The following IQSEC3 variants were observed in gnomAD, a reference collection of about 807,000 sequenced individuals.
IQSEC3 encodes the protein IQ motif and Sec7 domain ArfGEF 3, also known as IQ motif and SEC7 domain-containing protein 3.
In IQSEC3, 50 loss-of-function variants were observed where a neutral mutation model predicts 105.4. The observed-to-expected ratio is 0.47, with a 90% CI of 0.38 to 0.60. The LOEUF (loss-of-function observed/expected upper bound fraction) is 0.60. IQSEC3 is among the 20% of genes least tolerant of loss of function. IQSEC3 has a pLI of 0.00. For missense variants in IQSEC3, 1,415 were observed against 1,630.0 expected (o/e 0.87, Z 2.27); for synonymous variants, 708 against 746.0 (o/e 0.95, Z 0.83).
At chr12:117,757 G>T (rs1299888408) in intron 2 of IQSEC3, among the ~76,000 whole-genome samples, 1 of 152,224 alleles carries the variant, frequency 6.6e-6, no homozygotes, top group African/African-American at 2.4e-5. Flanking sequence ...TCTCTCCTTG[G>T]GAGCCAGACA....
intron 3 of IQSEC3, among the ~76,000 whole-genome samples, chr12:135,096 C>G (rs782023321): frequency 6.6e-6 from 1 of 152,182 alleles, no homozygotes; most frequent in Non-Finnish European, 1.5e-5. Flanking sequence ...TGCCACTGCA[C>G]TCCAGCCTGG....
chr12:124,231 A>C (rs537324752), intron 2 of IQSEC3, among the ~76,000 whole-genome samples: 45 of 152,042 alleles, frequency 3.0e-4, no homozygotes, highest in African/African-American at 1.1e-3. Context: ...TGCTAAAAAT[A>C]CAAAAAAATT....
chr12:165,526 G>A lies in IQSEC3; in HGVS notation c.2802G>A (p.Glu934=), dbSNP rs1336845895. The A allele has an allele frequency of 6.2e-7, 1 of 1,608,892 alleles. No individual in the cohort carries two copies. Among genetic ancestry groups the A allele is most frequent in the East Asian group, 2.2e-5 (1 of 44,884 alleles). ...GLLGMQFQLF[E]NEYYSHGITL... ...TGGGCATGCAGTTCCAGCTCTTTGA[G>A]AACGAGTGTAAGTCTTTGACAGCCA... Residue 934 remains glutamate, a synonymous_variant, in exon 10 of 14, where the codon GAG becomes GAA. Coordinates refer to ENST00000538872, the MANE Select transcript of IQSEC3 (RefSeq NM_001170738.2).
intron 3 of IQSEC3, among the ~76,000 whole-genome samples, chr12:132,603 T>TG (rs1372852749): frequency 4.6e-5 from 7 of 151,602 alleles, no homozygotes; most frequent in African/African-American, 9.7e-5. Context: ...GGTATAGGGG[T>TG]GGGGGGTCCC....
At chr12:154,670 C>A (rs987579360) in intron 5 of IQSEC3, among the ~76,000 whole-genome samples, 6 of 152,152 alleles carry the variant, frequency 3.9e-5, no homozygotes, top group African/African-American at 1.2e-4. Context: ...CCACAGTCCG[C>A]GGTGCACTTC....
chr12:85,732 A>C (rs1444074049), intron 1 of IQSEC3, among the ~76,000 whole-genome samples: 1 of 152,146 alleles, frequency 6.6e-6, no homozygotes, highest in East Asian at 1.9e-4. Flanking sequence ...GGTAGATGCC[A>C]AGGCTGTGAT....
chr12:175,991 GGCTCGGCCCGAGGCAGGGC>G lies in IQSEC3; in HGVS notation c.*959_*977del, dbSNP rs1450158069. ...CGAGGCAGGGCTCCCTCCTGCATGA[GGCTCGGCCCGAGGCAGGGC>G]TCCCTCCTGCATGAGTCTGTGGCCT... is the stretch of plus-strand genomic sequence containing the variant. On this transcript the variant is annotated 3_prime_UTR_variant, in exon 14 of 14. Coordinates refer to ENST00000538872, the MANE Select transcript of IQSEC3 (RefSeq NM_001170738.2). 5 of 142,214 alleles carry G rather than the reference GGCTCGGCCCGAGGCAGGGC, an allele frequency of 3.5e-5. No homozygotes were observed. The highest frequency in any genetic ancestry group is 1.6e-4 in the African/African-American group (5 of 32,012). 8.8% of individuals were successfully genotyped at this position (142,214 alleles called of 1,614,324 possible).
intron 1 of IQSEC3, among the ~76,000 whole-genome samples, chr12:70,957 T>A (rs1565373307): frequency 6.6e-6 from 1 of 152,276 alleles, no homozygotes; most frequent in Non-Finnish European, 1.5e-5. Context: ...CTTCATTCTC[T>A]TCTCCCCTTC....
intron 1 of IQSEC3, among the ~76,000 whole-genome samples, chr12:83,933 A>T (rs530534110): frequency 6.6e-6 from 1 of 152,242 alleles, no homozygotes; most frequent in South Asian, 2.1e-4. Flanking sequence ...TCCACATGGT[A>T]CTGACGGGAA....
At chr12:86,684 T>A (rs1555072157) in intron 1 of IQSEC3, among the ~76,000 whole-genome samples, 1 of 152,100 alleles carries the variant, frequency 6.6e-6, no homozygotes, top group African/African-American at 2.4e-5. Flanking sequence ...AGTACAAGCA[T>A]TTTTGTGTGT....
intron 1 of IQSEC3, among the ~76,000 whole-genome samples, chr12:78,048 G>T (rs1555069743): frequency 6.6e-6 from 1 of 151,026 alleles, no homozygotes; most frequent in Admixed American, 6.6e-5. Context: ...GCCTCCGCGC[G>T]CCCCCGCCGC....
intron 5 of IQSEC3, among the ~76,000 whole-genome samples, chr12:151,917 G>A (rs1239735825): frequency 6.6e-6 from 1 of 152,048 alleles, no homozygotes; most frequent in African/African-American, 2.4e-5. Context: ...TGTCCCCAAA[G>A]AGTCCTTTCC....
At chr12:168,010 A>G (rs1047609988) in intron 11 of IQSEC3, among the ~76,000 whole-genome samples, 1 of 152,220 alleles carries the variant, frequency 6.6e-6, no homozygotes, top group Non-Finnish European at 1.5e-5. Flanking sequence ...GGTGTGATTT[A>G]GGCAACCAGG....
chr12:171,578 G>C (rs1939000488), intron 13 of IQSEC3: 1 of 575,826 alleles, frequency 1.7e-6, no homozygotes, highest in Non-Finnish European at 3.1e-6. Context: ...ATCCATAGCG[G>C]GGAGCCTGGG....
At position 163,677 on chromosome 12, in the gene IQSEC3, C is replaced by A. The variant is rs531879211; in HGVS notation, c.2709+58C>A. The A allele has an allele frequency of 1.2e-4, 114 of 987,542 alleles. 1 individual carries two copies. In the East Asian group the frequency reaches 2.8e-3, roughly 24 times the overall value. The allele number at this position is 987,542 out of a possible 1,614,324, so 61.2% of individuals were successfully genotyped here. ...CTGGGGCTGCCTCTGCCGCCCTGGT[C>A]AGCCTGGGCAGGGTCCCTGAAGTGG... On this transcript the variant is annotated intron_variant, in intron 9 of 13. Coordinates refer to ENST00000538872, the MANE Select transcript of IQSEC3 (RefSeq NM_001170738.2).
Position 125,794 on chromosome 12 carries a change from C to CTG in IQSEC3, c.786_787dup (p.Gly263ValfsTer36). ...GGGGCAGGGGCTGCCTCCCCAAGGG[C>CTG]TGGCCCCCAGCACAAGGCCTCCCCC... On this transcript the variant is annotated frameshift_variant, in exon 3 of 14. Coordinates refer to ENST00000538872, the MANE Select transcript of IQSEC3 (RefSeq NM_001170738.2). LOFTEE classifies it high-confidence loss of function. The CTG allele has an allele frequency of 6.6e-7, 1 of 1,522,260 alleles. No individual in the cohort carries two copies. Among genetic ancestry groups the CTG allele is most frequent in the Non-Finnish European group, 8.8e-7 (1 of 1,141,226 alleles). The allele number at this position is 1,522,260 out of a possible 1,614,324, so 94.3% of individuals were successfully genotyped here. A position where few individuals can be genotyped will look rare whatever the true frequency, so the allele number is the denominator to read the frequency against.
chr12:161,051 T>A (rs1365480311), intron 7 of IQSEC3, among the ~76,000 whole-genome samples: 1 of 152,170 alleles, frequency 6.6e-6, no homozygotes, highest in African/African-American at 2.4e-5. Context: ...CATGGCTCAT[T>A]TGCCTGACTT....
intron 1 of IQSEC3, among the ~76,000 whole-genome samples, chr12:90,374 G>A (rs1409126729): frequency 6.6e-6 from 1 of 152,086 alleles, no homozygotes; most frequent in Non-Finnish European, 1.5e-5. Context: ...CGTGGCTTGT[G>A]CTTTCTGGTC....
At chr12:157,758 G>A (rs74769399) in intron 7 of IQSEC3, 64 bp downstream of exon 7, 36,448 of 1,521,186 alleles carry the variant, frequency 0.024, 524 homozygotes, top group Non-Finnish European at 0.028. Flanking sequence ...TCTGTGCACC[G>A]TGCATTCTGT....
Sources: gnomAD v4.1 joint callset for allele counts (sites outside exome capture counted in the v4.1 genomes callset) on GRCh38, gnomAD v4.1.1 for gene constraint, MANE v1.5 for transcripts, NCBI Gene and HGNC (gene_info 2026-07-23, HGNC 2026-07-21) for gene names.